Variants in TRIM63 observed in about 807,000 individuals in gnomAD.
TRIM63 encodes tripartite motif containing 63.
TRIM63 carries 48 observed loss-of-function variants against 46.0 expected under a neutral mutation model. The observed-to-expected ratio is 1.04, with a 90% CI of 0.83 to 1.33. The LOEUF (loss-of-function observed/expected upper bound fraction) is 1.33, where lower values mean the gene tolerates loss of function less well. Among genes scored for constraint, TRIM63 ranks in the 40% most tolerant of loss-of-function variants. The pLI is 0.00. For synonymous variants in TRIM63, 175 were observed against 162.8 expected, an observed-to-expected ratio of 1.08 and a Z score of -0.57; for missense variants, 455 against 441.2, an observed-to-expected ratio of 1.03 and a Z score of -0.28.
intron 2 of TRIM63, among the ~76,000 whole-genome samples, chr1:26,064,945 T>TA (rs1260318156): frequency 6.6e-6 from 1 of 152,218 alleles, no homozygotes; most frequent in Non-Finnish European, 1.5e-5. Flanking sequence ...CCTGGAGTCT[T>TA]ACCAGGATGT....
At position 26,066,533 on chromosome 1, in the gene TRIM63, AC is replaced by A. The variant is rs2050680286; in HGVS notation, c.160-94del. 4 of 1,229,748 alleles carry A rather than the reference AC, an allele frequency of 3.3e-6. No individual in the cohort carries two copies. In the African/African-American group the frequency reaches 4.6e-5, roughly 14 times the overall value. The allele number at this position is 1,229,748 out of a possible 1,614,324, so 76.2% of individuals were successfully genotyped here. A position where few individuals can be genotyped will look rare whatever the true frequency, so the allele number is the denominator to read the frequency against. ...CTTATCCTTTCCTCTGCCTATCCGAACCACCCCCGTCAAACCTAACAACCTG... is the reference window on the plus strand; with the variant it reads ...CTTATCCTTTCCTCTGCCTATCCGAACACCCCCGTCAAACCTAACAACCTG... On this transcript the variant is annotated intron_variant, in intron 1 of 8. Coordinates refer to ENST00000374272, the MANE Select transcript of TRIM63 (RefSeq NM_032588.4).
rs1569749930 is a variant in TRIM63 at position 26,066,355 on chromosome 1, A to C, written c.245T>G (p.Val82Gly). ...RFRCPTCRHE[V>G]IMDRHGVYGL... ...GTACACTCCGTGACGATCCATGATC[A>C]CCTCGTGGCGGCAGGTGGGGCAGCG... The change falls in exon 2 of 9, where the codon GTG becomes GGG. Residue 82 changes from valine to glycine, a missense_variant. Transcript: ENST00000374272. 1.2e-6 allele frequency: 2 copies of C among 1,614,036 alleles called. No homozygotes were observed. Among genetic ancestry groups the C allele is most frequent in the East Asian group, 4.5e-5 (2 of 44,872 alleles).
chr1:26,053,142 T>TG (rs1274395171), intron 8 of TRIM63, among the ~76,000 whole-genome samples: 6 of 152,010 alleles, frequency 3.9e-5, no homozygotes. Context: ...GACGAGGACT[T>TG]GCTGTTGACC....
intron 2 of TRIM63, among the ~76,000 whole-genome samples, 186 bp downstream of exon 2, chr1:26,066,082 G>T (rs954406887): frequency 6.6e-6 from 1 of 152,146 alleles, no homozygotes; most frequent in Non-Finnish European, 1.5e-5. Flanking sequence ...CTTCCCATCC[G>T]CTGAGCAATC....
intron 8 of TRIM63, among the ~76,000 whole-genome samples, chr1:26,053,200 TC>T (rs2050537837): frequency 6.6e-6 from 1 of 152,178 alleles, no homozygotes; most frequent in Non-Finnish European, 1.5e-5. Flanking sequence ...CGCCTCAGCC[TC>T]CCAAAGTGCT....
intron 1 of TRIM63, 146 bp from the exon 2 acceptor site, chr1:26,066,586 A>G (rs2050680692): frequency 1.4e-6 from 1 of 694,216 alleles, no homozygotes; most frequent in Non-Finnish European, 2.3e-6. Context: ...GATGAGAACC[A>G]GTCCTCACAC....
At chr1:26,063,371 C>A (rs2050644974) in intron 2 of TRIM63, among the ~76,000 whole-genome samples, 1 of 152,230 alleles carries the variant, frequency 6.6e-6, no homozygotes, top group Non-Finnish European at 1.5e-5. Flanking sequence ...AGTGTCAATG[C>A]CTCACCTCCA....
rs2050593798 is a variant in TRIM63, at chr1:26,058,546, A to G, written c.675T>C (p.Ser225=). ...TLYAILDEKK[S]ELLQRITQEQ... is the part of the protein sequence containing the mutation. ...CCTGCGTGATCCGCTGCAGCAACTC[A>G]CTTTTCTTCTCATCCAGGATGGCAT... The change falls in exon 5 of 9, where the codon AGT becomes AGC. Residue 225 remains serine, a synonymous_variant. Transcript: ENST00000374272. 4.3e-6 allele frequency: 7 copies of G among 1,613,900 alleles called. No homozygotes were observed. Among genetic ancestry groups the G allele is most frequent in the Non-Finnish European group, 5.9e-6 (7 of 1,180,018 alleles).
At chr1:26,059,656 G>A (rs930301188) in intron 4 of TRIM63, among the ~76,000 whole-genome samples, 1 of 152,090 alleles carries the variant, frequency 6.6e-6, no homozygotes, top group African/African-American at 2.4e-5. Context: ...TAGCAATTAT[G>A]ATGACCCCTT....
chr1:26,052,244 C>T (rs532044550), intron 8 of TRIM63, among the ~76,000 whole-genome samples: 6 of 152,310 alleles, frequency 3.9e-5, no homozygotes, highest in Admixed American at 1.3e-4. Flanking sequence ...AACCTTTTGA[C>T]GTCAGTACTG....
intron 4 of TRIM63, among the ~76,000 whole-genome samples, chr1:26,059,072 T>C (rs1439761245): frequency 7.1e-6 from 1 of 141,018 alleles, no homozygotes; most frequent in Non-Finnish European, 1.5e-5. Context: ...TTGCCCCCGC[T>C]GGAGTGCAGT....
intron 5 of TRIM63, 60 bp downstream of exon 5, chr1:26,058,330 T>G: frequency 1.4e-6 from 2 of 1,475,742 alleles, no homozygotes; most frequent in Non-Finnish European, 1.9e-6. Context: ...GAAGCATAAC[T>G]TGAACCTTAG....
chr1:26,054,047 G>A (rs1453770430), intron 7 of TRIM63, 83 bp from the exon 8 acceptor site: 6 of 964,196 alleles, frequency 6.2e-6, no homozygotes, highest in Admixed American at 5.2e-5. Flanking sequence ...GAGAGAGCAC[G>A]GTCTAAACCC....
At chr1:26,055,230 G>C (rs1178702740) in intron 7 of TRIM63, among the ~76,000 whole-genome samples, 1 of 152,176 alleles carries the variant, frequency 6.6e-6, no homozygotes, top group African/African-American at 2.4e-5. Flanking sequence ...CAGCTGTGTG[G>C]CCTTGAACAA....
At chr1:26,053,503 C>T (rs1363579388) in intron 8 of TRIM63, among the ~76,000 whole-genome samples, 3 of 152,142 alleles carry the variant, frequency 2.0e-5, no homozygotes, top group Non-Finnish European at 4.4e-5. Flanking sequence ...ATTACAGGCT[C>T]GAGCCACCGT....
intron 7 of TRIM63, 110 bp from the exon 8 acceptor site, chr1:26,054,074 G>A (rs1023143335): frequency 2.8e-5 from 20 of 713,034 alleles, no homozygotes; most frequent in East Asian, 1.8e-4. Flanking sequence ...GTGCCCAGTC[G>A]GGTCAAACGG....
At chr1:26,058,684 G>T in intron 4 of TRIM63, 61 bp from the exon 5 acceptor site, 1 of 1,351,100 alleles carries the variant, frequency 7.4e-7, no homozygotes, top group Non-Finnish European at 1.1e-6. Flanking sequence ...CCACTACACT[G>T]CCTTCCTAGG....
Position 26,057,622 on chromosome 1 carries a change from A to G in TRIM63, c.854+6T>C, listed in dbSNP as rs1304311128. On this transcript the variant is annotated splice_donor_region_variant and intron_variant, in intron 6 of 8. Transcript: ENST00000374272. ...CTTGGATCATAGCCTCTAGGAAGAC[A>G]CTGACCTTTTGATGAGTTGCTTGGC... 2.5e-6 allele frequency: 4 copies of G among 1,610,386 alleles called. No homozygotes were observed. The highest frequency in any genetic ancestry group is 2.7e-5 in the African/African-American group (2 of 74,806).
chr1:26,067,231 G>C (rs1179900144), intron 1 of TRIM63, 105 bp downstream of exon 1: 20 of 1,416,152 alleles, frequency 1.4e-5, no homozygotes, highest in Middle Eastern at 2.5e-4. Flanking sequence ...CACTTCCAAG[G>C]GGAAAGAGGC....
Sources: gnomAD v4.1 joint callset for allele counts (sites outside exome capture counted in the v4.1 genomes callset) on GRCh38, gnomAD v4.1.1 for gene constraint, MANE v1.5 for transcripts, NCBI Gene and HGNC (gene_info 2026-07-23, HGNC 2026-07-21) for gene names.